The following DGKB variants were observed in gnomAD, a reference collection of about 807,000 sequenced individuals.
The protein encoded by DGKB is 90 kDa diacylglycerol kinase.
In DGKB, 67 loss-of-function variants were observed where a neutral mutation model predicts 114.3. The observed-to-expected ratio is 0.59, with a 90% confidence interval of 0.48 to 0.72. DGKB has a LOEUF of 0.72. Among genes scored for constraint, DGKB ranks in the 30% least tolerant of loss-of-function variants. DGKB has a pLI of 0.00. For missense variants in DGKB, 907 were observed against 975.2 expected (o/e 0.93, Z 0.93); for synonymous variants, 398 against 323.1 (o/e 1.23, Z -2.49).
At chr7:14,507,238 TG>T (rs1483190428) in intron 20 of DGKB, among the ~76,000 whole-genome samples, 1 of 152,166 alleles carries the variant, frequency 6.6e-6, no homozygotes, top group South Asian at 2.1e-4. Flanking sequence ...TTAAGAGCAA[TG>T]TATTTTTTGA....
intron 23 of DGKB, among the ~76,000 whole-genome samples, chr7:14,195,307 T>G: frequency 6.6e-6 from 1 of 152,230 alleles, no homozygotes; most frequent in Middle Eastern, 3.4e-3. Flanking sequence ...GTGCCATCAC[T>G]AAACAAAGCA....
chr7:14,177,581 TTGGG>T (rs1376970540), intron 24 of DGKB, among the ~76,000 whole-genome samples: 1 of 105,992 alleles, frequency 9.4e-6, no homozygotes, highest in African/African-American at 3.6e-5. Flanking sequence ...AAAAAAAAAA[TTGGG>T]GGGAAATTTT....
intron 1 of DGKB, among the ~76,000 whole-genome samples, chr7:14,969,687 C>A (rs1787351533): frequency 6.6e-6 from 1 of 152,134 alleles, no homozygotes; most frequent in Non-Finnish European, 1.5e-5. Context: ...ATGCATCCCC[C>A]AACCCCCATG....
In DGKB at chr7:14,259,401, C is replaced by CTA. The variant is rs1417339427; in HGVS notation, c.2122+79113_2122+79114insTA. ...AGTTTCTCTCTCTCTCTCTCTCTCT[C>CTA]TCTCTCTATATATATATATATATAT... On this transcript the variant is annotated intron_variant, in intron 23 of 25. Transcript: ENST00000402815. 3.2e-4 allele frequency among the ~76,000 whole-genome samples: 33 copies of CTA among 102,756 alleles called. No individual in the cohort carries two copies. The East Asian group carries it at 6.6e-3, about 20-fold the overall frequency. The allele number at this position is 102,756 out of a possible 152,430, so 67.4% of individuals were successfully genotyped here.
intron 23 of DGKB, among the ~76,000 whole-genome samples, chr7:14,232,270 C>T (rs1791995307): frequency 6.6e-6 from 1 of 151,588 alleles, no homozygotes; most frequent in African/African-American, 2.4e-5. Flanking sequence ...CCATTTTGTA[C>T]TCAATCCTTC....
intron 23 of DGKB, among the ~76,000 whole-genome samples, chr7:14,231,026 G>T (rs754373770): frequency 5.3e-5 from 8 of 151,992 alleles, no homozygotes; most frequent in Non-Finnish European, 1.0e-4. Flanking sequence ...AGTCTCTGTT[G>T]TTCATTGTTG....
chr7:14,507,701 G>A (rs1474738030), intron 20 of DGKB, among the ~76,000 whole-genome samples: 1 of 152,052 alleles, frequency 6.6e-6, no homozygotes, highest in African/African-American at 2.4e-5. Flanking sequence ...AGTATGCTAC[G>A]TCTTGCAGCA....
intron 20 of DGKB, among the ~76,000 whole-genome samples, chr7:14,483,234 A>G (rs1339137405): frequency 6.6e-6 from 1 of 152,154 alleles, no homozygotes; most frequent in Admixed American, 6.6e-5. Flanking sequence ...CCCTCTCTAC[A>G]TTGCACTTTC....
intron 20 of DGKB, among the ~76,000 whole-genome samples, chr7:14,514,688 T>C (rs537603227): frequency 3.7e-4 from 56 of 152,266 alleles, no homozygotes; most frequent in African/African-American, 1.3e-3. Context: ...GTATCAAATA[T>C]AGTAATAAAA....
chr7:14,848,615 T>G (rs1848950671), intron 1 of DGKB, among the ~76,000 whole-genome samples: 2 of 152,218 alleles, frequency 1.3e-5, no homozygotes, highest in African/African-American at 4.8e-5. Flanking sequence ...AAAATAGAAC[T>G]TGCCATTCAG....
intron 20 of DGKB, among the ~76,000 whole-genome samples, chr7:14,488,841 A>AC (rs1261528246): frequency 1.0e-5 from 1 of 98,040 alleles, no homozygotes; most frequent in Non-Finnish European, 2.0e-5. Flanking sequence ...CCAAAAAAAA[A>AC]CAAAAAAAAA....
At chr7:14,414,184 G>A (rs1197161306) in intron 21 of DGKB, among the ~76,000 whole-genome samples, 1 of 152,074 alleles carries the variant, frequency 6.6e-6, no homozygotes, top group African/African-American at 2.4e-5. Context: ...CAAATGTCTG[G>A]AGCTTAGAAG....
chr7:14,656,753 T>TACACACAC lies in DGKB; in HGVS notation c.1134+16168_1134+16175dup, dbSNP rs56208974. 9.5e-3 allele frequency among the ~76,000 whole-genome samples: 1,413 copies of TACACACAC among 149,304 alleles called. 14 individuals carry two copies. The highest frequency in any genetic ancestry group is 0.049 in the East Asian group (243 of 5,008). On this transcript the variant is annotated intron_variant, in intron 13 of 25. Transcript: ENST00000402815. The stretch of plus-strand genomic sequence containing the variant: ...ATATACAGTATATATATAGGATATA[T>TACACACAC]ACACACACACACACACACATATCCT...
At chr7:14,756,298 C>T (rs748188197) in intron 3 of DGKB, among the ~76,000 whole-genome samples, 23 of 151,916 alleles carry the variant, frequency 1.5e-4, no homozygotes, top group Middle Eastern at 3.2e-3. Context: ...TTCATCTTTA[C>T]GTTTCCCACC....
At chr7:14,817,720 A>G (rs1372214159) in intron 2 of DGKB, among the ~76,000 whole-genome samples, 1 of 152,178 alleles carries the variant, frequency 6.6e-6, no homozygotes, top group Non-Finnish European at 1.5e-5. Context: ...AATAAGCACA[A>G]ATGACACAAT....
At chr7:14,714,202 G>T (rs991760524) in intron 6 of DGKB, among the ~76,000 whole-genome samples, 2 of 151,894 alleles carry the variant, frequency 1.3e-5, no homozygotes, top group Non-Finnish European at 2.9e-5. Context: ...CTCAAATGTG[G>T]ACTAGACTCA....
At position 14,682,638 on chromosome 7, in the gene DGKB, C is replaced by T. The variant is rs955573546; in HGVS notation, c.950G>A (p.Cys317Tyr). ...VMHHYWVEGN[C>Y]PTKCDKCHKT... ...GTGGCACTTATCACACTTGGTTGGG[C>T]AGTTACCTTCAACCCAGTAATGGTG... The change falls in exon 12 of 26, where the codon TGC becomes TAC. Residue 317 changes from cysteine to tyrosine, a missense_variant. By Grantham distance (194) the Cys-to-Tyr change is radical (BLOSUM62 -2). This residue lies in a region of DGKB where 814 missense variants were observed against 856.6 expected (regional missense o/e 0.95). Coordinates refer to ENST00000402815, the MANE Select transcript of DGKB (RefSeq NM_001350709.2). The T allele has an allele frequency of 5.0e-6, 8 of 1,613,466 alleles. No individual in the cohort carries two copies. The highest frequency in any genetic ancestry group is 6.8e-6 in the Non-Finnish European group (8 of 1,179,552).
Position 14,168,846 on chromosome 7 carries a change from T to G in DGKB, c.2304+7993A>C, listed in dbSNP as rs183276299. 4.9e-3 allele frequency among the ~76,000 whole-genome samples: 741 copies of G among 152,322 alleles called. 10 individuals carry two copies. Among genetic ancestry groups the G allele is most frequent in the African/African-American group, 0.017 (705 of 41,584 alleles). On this transcript the variant is annotated intron_variant, in intron 25 of 25. Coordinates refer to ENST00000402815, the MANE Select transcript of DGKB (RefSeq NM_001350709.2). ...CAGATGGGAAGTTAAAAAGGCTTCA[T>G]GAGGAAATTGCTTCTAAGCTTGGCA...
intron 21 of DGKB, among the ~76,000 whole-genome samples, chr7:14,458,375 G>A (rs1408781474): frequency 2.6e-5 from 4 of 152,204 alleles, no homozygotes; most frequent in South Asian, 2.1e-4. Context: ...AAAACTAATC[G>A]TTAATAATAT....
Sources: gnomAD v4.1 joint callset for allele counts (sites outside exome capture counted in the v4.1 genomes callset) on GRCh38, gnomAD v4.1.1 for gene constraint, gnomAD v4.1.1 regional missense constraint, MANE v1.5 for transcripts, NCBI Gene and HGNC (gene_info 2026-07-23, HGNC 2026-07-21) for gene names.